SENP1: variants seen among roughly 807,000 people sequenced by gnomAD.
The protein encoded by SENP1 is sentrin-specific protease 1.
Under a neutral mutation model 93.0 loss-of-function variants are expected in SENP1, and 21 were observed. That is an observed-to-expected ratio of 0.23 (90% CI 0.16 to 0.33). The LOEUF (loss-of-function observed/expected upper bound fraction) is 0.33, where lower values mean the gene tolerates loss of function less well. SENP1 is among the 10% of genes least tolerant of loss of function. The pLI is 1.00. For synonymous variants in SENP1, 256 were observed against 259.6 expected, an observed-to-expected ratio of 0.99 and a Z score of 0.13; for missense variants, 591 against 758.7, an observed-to-expected ratio of 0.78 and a Z score of 2.60.
chr12:48,085,144 T>A, intron 5 of SENP1: 1 of 1,425,354 alleles, frequency 7.0e-7, no homozygotes, highest in African/African-American at 1.4e-5. Flanking sequence ...ATAGGGGAGC[T>A]TAACAAGAAC....
intron 9 of SENP1, among the ~76,000 whole-genome samples, chr12:48,071,312 A>G (rs1241979202): frequency 3.3e-5 from 5 of 152,138 alleles, no homozygotes; most frequent in Non-Finnish European, 7.4e-5. Context: ...AGGGAAAACA[A>G]TATGTTAAGA....
chr12:48,058,855 G>A (rs1273901350), intron 13 of SENP1, among the ~76,000 whole-genome samples: 2 of 152,104 alleles, frequency 1.3e-5, no homozygotes, highest in African/African-American at 4.8e-5. Flanking sequence ...TGTTTGTCTG[G>A]AAAAGTACAG....
intron 13 of SENP1, 23 bp downstream of exon 13, chr12:48,063,687 T>G (rs774358585): frequency 3.1e-6 from 5 of 1,597,968 alleles, no homozygotes; most frequent in Admixed American, 1.7e-5. Flanking sequence ...ACTATTTGTA[T>G]GTAAAAATAG....
At chr12:48,092,876 C>A (rs1006884827) in intron 4 of SENP1, among the ~76,000 whole-genome samples, 6 of 152,084 alleles carry the variant, frequency 3.9e-5, no homozygotes, top group African/African-American at 1.4e-4. Context: ...TAGATATATT[C>A]TTTGTGAATA....
intron 6 of SENP1, chr12:48,080,436 G>A (rs924568196): frequency 2.6e-5 from 4 of 152,300 alleles, no homozygotes; most frequent in African/African-American, 4.8e-5. Context: ...AACCTCTGTT[G>A]TAAGACTGAG....
chr12:48,043,511 G>A lies in SENP1; in HGVS notation c.*1811C>T, dbSNP rs1941135624. ...GACAATATTCCAGGAGTCCTGCAAT[G>A]AGACTGCATGCCACAGCTTTCTAAA... On this transcript the variant is annotated 3_prime_UTR_variant, in exon 18 of 18. Coordinates refer to ENST00000549518, the MANE Select transcript of SENP1 (RefSeq NM_001267594.2). 6.6e-6 allele frequency: 1 copy of A among 152,644 alleles called. No homozygotes were observed. Among genetic ancestry groups the A allele is most frequent in the South Asian group, 2.1e-4 (1 of 4,830 alleles). 9.5% of individuals were successfully genotyped at this position (152,644 alleles called of 1,614,324 possible). A position where few individuals can be genotyped will look rare whatever the true frequency, so the allele number is the denominator to read the frequency against.
At chr12:48,093,237 T>A (rs1225102113) in intron 4 of SENP1, among the ~76,000 whole-genome samples, 2 of 151,244 alleles carry the variant, frequency 1.3e-5, no homozygotes, top group East Asian at 3.9e-4. Flanking sequence ...AACAGCTTCA[T>A]GTCAGTTCAA....
In SENP1 at chr12:48,071,736, G is replaced by C; in HGVS notation, c.941-15C>G. On this transcript the variant is annotated splice_polypyrimidine_tract_variant and intron_variant, in intron 8 of 17. Coordinates refer to ENST00000549518, the MANE Select transcript of SENP1 (RefSeq NM_001267594.2). ...AGAGTCTGATCCTAAAGAAACACAA[G>C]AGCATTTCATTAGTAATAAAACTCC... The C allele has an allele frequency of 6.3e-7, 1 of 1,578,206 alleles. No homozygotes were observed. The highest frequency in any genetic ancestry group is 8.7e-7 in the Non-Finnish European group (1 of 1,149,812).
intron 13 of SENP1, among the ~76,000 whole-genome samples, chr12:48,050,111 T>C (rs886806325): frequency 9.2e-5 from 14 of 152,232 alleles, no homozygotes; most frequent in Non-Finnish European, 5.9e-5. Flanking sequence ...ACTTACTTTA[T>C]GTGGCCAGCT....
In SENP1 at chr12:48,046,963, C is replaced by T. The variant is rs764122613; in HGVS notation, c.1776+15G>A. On this transcript the variant is annotated intron_variant, in intron 16 of 17. Transcript: ENST00000549518. Reference sequence around the variant, plus strand: ...CCTACTTTTAGGACTTTTATTTCATCAAGATGAAAGGTACCTGGCTTTTCT... The same window carrying T: ...CCTACTTTTAGGACTTTTATTTCATTAAGATGAAAGGTACCTGGCTTTTCT... The T allele has an allele frequency of 2.5e-6, 4 of 1,575,394 alleles. No homozygotes were observed. Among genetic ancestry groups the T allele is most frequent in the Middle Eastern group, 1.7e-4 (1 of 5,962 alleles).
At chr12:48,046,581 G>C (rs1474610960) in intron 16 of SENP1, 130 bp from the exon 17 acceptor site, 1 of 694,726 alleles carries the variant, frequency 1.4e-6, no homozygotes, top group Non-Finnish European at 2.5e-6. Flanking sequence ...TGGCCCCCCA[G>C]TCAGGACAAC....
At chr12:48,082,362 G>C (rs537676036) in intron 6 of SENP1, among the ~76,000 whole-genome samples, 1 of 152,262 alleles carries the variant, frequency 6.6e-6, no homozygotes, top group Non-Finnish European at 1.5e-5. Flanking sequence ...GAACCATATT[G>C]CTGTGTTGTA....
At chr12:48,078,354 C>CACACACACACATACATATATATATAT (rs1944279643) in intron 6 of SENP1, among the ~76,000 whole-genome samples, 3 of 61,720 alleles carry the variant, frequency 4.9e-5, no homozygotes, top group South Asian at 5.7e-4. Context: ...TATATATATA[C>CACACACACACATACATATATATATAT]ACACACACAC....
chr12:48,091,905 TCTTGGGCTCAGGTGACACTCCCGC>T (rs1208065415), intron 4 of SENP1, among the ~76,000 whole-genome samples: 1 of 152,176 alleles, frequency 6.6e-6, no homozygotes, highest in African/African-American at 2.4e-5. Flanking sequence ...GGTCTCAAAC[TCTTGGGCTCAGGTGACACTCCCGC>T]CTTGGCCTCC....
At chr12:48,087,658 T>C (rs1378385597) in intron 5 of SENP1, among the ~76,000 whole-genome samples, 1 of 152,232 alleles carries the variant, frequency 6.6e-6, no homozygotes, top group Non-Finnish European at 1.5e-5. Context: ...AATGTGTTGA[T>C]TTCTACAATG....
At chr12:48,055,944 TTAA>T (rs925659837) in intron 13 of SENP1, among the ~76,000 whole-genome samples, 28 of 136,674 alleles carry the variant, frequency 2.0e-4, no homozygotes, top group African/African-American at 4.6e-4. Flanking sequence ...ATAACATATA[TTAA>T]TAATATATGT....
In SENP1 at chr12:48,091,330, G is replaced by A. The variant is rs568525587; in HGVS notation, c.221-2370C>T. On this transcript the variant is annotated intron_variant, in intron 4 of 17. Coordinates refer to ENST00000549518, the MANE Select transcript of SENP1 (RefSeq NM_001267594.2). ...CCAGGCGTGGTGGCACACGTCTGTC[G>A]TCCCAGTTACTAGGGAGGCTGAGGC... Among the ~76,000 whole-genome samples, 15 of 151,930 alleles carry A rather than the reference G, an allele frequency of 9.9e-5. 1 individual carries two copies. In the East Asian group the frequency reaches 1.7e-3, roughly 18 times the overall value.
At chr12:48,070,263 C>A (rs1006195840) in intron 9 of SENP1, among the ~76,000 whole-genome samples, 1 of 152,126 alleles carries the variant, frequency 6.6e-6, no homozygotes, top group Non-Finnish European at 1.5e-5. Flanking sequence ...ATGAAAGAGT[C>A]CCATATTTCC....
chr12:48,103,882 A>G (rs1365090484), intron 1 of SENP1, among the ~76,000 whole-genome samples: 1 of 152,172 alleles, frequency 6.6e-6, no homozygotes, highest in Non-Finnish European at 1.5e-5. Context: ...GGGGATTATG[A>G]AAGACAATGT....
Sources: allele counts gnomAD v4.1 joint callset (sites outside exome capture counted in the v4.1 genomes callset), GRCh38; gene constraint gnomAD v4.1.1; transcripts MANE v1.5; gene names NCBI Gene and HGNC (gene_info 2026-07-23, HGNC 2026-07-21).